Variants in LMO7 observed in about 807,000 individuals in gnomAD.
LMO7 encodes LIM domain only protein 7.
LMO7 carries 120 observed loss-of-function variants against 206.5 expected under a neutral mutation model. The ratio of observed to expected loss-of-function variants is 0.58; its 90% CI spans 0.50 to 0.68. LMO7 has a LOEUF of 0.68. Among genes scored for constraint, LMO7 ranks in the 30% least tolerant of loss-of-function variants. The pLI, the probability that LMO7 is intolerant of heterozygous loss-of-function variation, is 0.00. For missense variants in LMO7, 1,959 were observed against 1,957.9 expected (o/e 1.00, Z -0.01); for synonymous variants, 706 against 681.5 (o/e 1.04, Z -0.56).
chr13:75,641,921 A>T (rs1451376569), intron 1 of LMO7, among the ~76,000 whole-genome samples: 3 of 152,016 alleles, frequency 2.0e-5, no homozygotes, highest in African/African-American at 7.3e-5. Context: ...TGGCCTCCTA[A>T]AGTGCTGGGA....
intron 3 of LMO7, among the ~76,000 whole-genome samples, chr13:75,733,473 G>A (rs911453032): frequency 1.3e-5 from 2 of 152,154 alleles, no homozygotes; most frequent in East Asian, 1.9e-4. Flanking sequence ...TTTTAAGCCC[G>A]TCGGAAAAGC....
intron 14 of LMO7, among the ~76,000 whole-genome samples, chr13:75,823,174 G>GA (rs1255530522): frequency 6.6e-6 from 1 of 152,044 alleles, no homozygotes; most frequent in African/African-American, 2.4e-5. Flanking sequence ...AGTCTGTTCT[G>GA]AAAAGCAAAA....
At chr13:75,707,737 T>C (rs1339627681) in intron 1 of LMO7, among the ~76,000 whole-genome samples, 2 of 152,184 alleles carry the variant, frequency 1.3e-5, no homozygotes, top group African/African-American at 2.4e-5. Context: ...GTTTAGTTTT[T>C]ATATTGTCTT....
chr13:75,662,845 T>C (rs565953993), intron 1 of LMO7, among the ~76,000 whole-genome samples: 5 of 152,344 alleles, frequency 3.3e-5, no homozygotes, highest in Admixed American at 3.3e-4. Context: ...AATGTTAATG[T>C]AACTGGCCTG....
chr13:75,709,433 A>G (rs1002923195), intron 1 of LMO7, among the ~76,000 whole-genome samples: 1 of 151,618 alleles, frequency 6.6e-6, no homozygotes, highest in East Asian at 1.9e-4. Context: ...AAGTGTTCCT[A>G]TTTCTCCATA....
chr13:75,734,675 T>G (rs2045620077), intron 3 of LMO7, among the ~76,000 whole-genome samples: 1 of 152,264 alleles, frequency 6.6e-6, no homozygotes, highest in Admixed American at 6.5e-5. Context: ...TTAATAATTT[T>G]ATTTCAAAAT....
intron 27 of LMO7, 92 bp from the exon 28 acceptor site, chr13:75,853,000 A>G (rs2060617394): frequency 8.4e-6 from 9 of 1,069,896 alleles, no homozygotes; most frequent in Non-Finnish European, 1.1e-5. Flanking sequence ...TATAAAATAT[A>G]AAAATGGATT....
intron 3 of LMO7, among the ~76,000 whole-genome samples, chr13:75,759,602 T>A (rs1367610000): frequency 6.6e-6 from 1 of 152,206 alleles, no homozygotes; most frequent in African/African-American, 2.4e-5. Context: ...GTGGATTTCA[T>A]CTTTCAGCTA....
chr13:75,828,753 C>T (rs1375669183), intron 15 of LMO7, among the ~76,000 whole-genome samples: 3 of 152,088 alleles, frequency 2.0e-5, no homozygotes, highest in African/African-American at 7.2e-5. Context: ...GGGGTAACCA[C>T]AGGAGTTTAG....
intron 1 of LMO7, among the ~76,000 whole-genome samples, chr13:75,667,473 A>G (rs2039175525): frequency 6.6e-6 from 1 of 152,088 alleles, no homozygotes; most frequent in African/African-American, 2.4e-5. Context: ...TGTTCATTAG[A>G]TTGAATAATT....
chr13:75,661,002 A>G (rs1038761623), intron 1 of LMO7, among the ~76,000 whole-genome samples: 14 of 152,176 alleles, frequency 9.2e-5, no homozygotes, highest in Non-Finnish European at 1.8e-4. Context: ...GCAAATGTGT[A>G]TTTTCACATT....
chr13:75,744,691 C>A (rs1013811278), intron 3 of LMO7, among the ~76,000 whole-genome samples: 6 of 152,314 alleles, frequency 3.9e-5, no homozygotes, highest in Middle Eastern at 3.4e-3. Context: ...CTGTGCTTCC[C>A]ATCCTGAAAA....
chr13:75,640,891 A>T (rs1465357716), intron 1 of LMO7, among the ~76,000 whole-genome samples: 3 of 152,116 alleles, frequency 2.0e-5, no homozygotes, highest in African/African-American at 7.2e-5. Context: ...TTTACTTAGC[A>T]TTTCCTCTTC....
intron 3 of LMO7, among the ~76,000 whole-genome samples, chr13:75,734,680 CAAAAT>C (rs961934116): frequency 2.0e-5 from 3 of 152,098 alleles, no homozygotes; most frequent in African/African-American, 7.2e-5. Context: ...AATTTTATTT[CAAAAT>C]AAAATATACA....
At chr13:75,801,978 T>G (rs941523455) in intron 7 of LMO7, among the ~76,000 whole-genome samples, 1 of 152,052 alleles carries the variant, frequency 6.6e-6, no homozygotes, top group Non-Finnish European at 1.5e-5. Flanking sequence ...CTCTTTCTCT[T>G]TCTCCCTCCC....
rs147698504 is a variant in LMO7 at position 75,840,441 on chromosome 13, G to C, written c.3528G>C (p.Glu1176Asp). 1.2e-5 allele frequency: 20 copies of C among 1,613,988 alleles called. No homozygotes were observed. The highest frequency in any genetic ancestry group is 1.6e-5 in the Non-Finnish European group (19 of 1,180,010). Residue 1176 changes from glutamate (E) to aspartate (D), a missense_variant, in exon 22 of 31, where the codon GAG becomes GAC. Transcript: ENST00000377534. ...SAPSRWVWDQ[E>D]EERKRQERWQ... ...CGAGTCGCTGGGTGTGGGATCAAGA[G>C]GAGGAGCGGAAGCGGCAGGAGAGGT...
chr13:75,714,208 C>T (rs943695390), intron 2 of LMO7, among the ~76,000 whole-genome samples: 1 of 152,066 alleles, frequency 6.6e-6, no homozygotes, highest in Non-Finnish European at 1.5e-5. Context: ...TATTTTTGGA[C>T]CTTTGAATAA....
At chr13:75,664,364 G>A (rs925008334) in intron 1 of LMO7, among the ~76,000 whole-genome samples, 1 of 152,058 alleles carries the variant, frequency 6.6e-6, no homozygotes, top group African/African-American at 2.4e-5. Flanking sequence ...ACAGTGTCTT[G>A]TTCTTTTTTA....
At chr13:75,805,939 G>GA in intron 9 of LMO7, 179 bp downstream of exon 9, 1 of 1,122,846 alleles carries the variant, frequency 8.9e-7, no homozygotes. Context: ...TGAGGATCTA[G>GA]ATCTTAAAAA....
Sources: gnomAD v4.1 joint callset for allele counts (sites outside exome capture counted in the v4.1 genomes callset) on GRCh38, gnomAD v4.1.1 for gene constraint, MANE v1.5 for transcripts, NCBI Gene and HGNC (gene_info 2026-07-23, HGNC 2026-07-21) for gene names.